The following SPATA13 variants were observed in gnomAD, a reference collection of about 807,000 sequenced individuals.
The protein encoded by SPATA13 is spermatogenesis-associated protein 13.
SPATA13 carries 50 observed loss-of-function variants against 104.0 expected under a neutral mutation model. The observed-to-expected ratio is 0.48, with a 90% confidence interval of 0.38 to 0.61. The LOEUF (loss-of-function observed/expected upper bound fraction) is 0.61, where lower values mean the gene tolerates loss of function less well. SPATA13 is among the 20% of genes least tolerant of loss of function. The pLI is 0.00. For synonymous variants in SPATA13, 606 were observed against 667.5 expected (o/e 0.91, Z 1.42); for missense variants, 1,524 against 1,690.6 (o/e 0.90, Z 1.73).
chr13:24,050,054 G>A (rs1037203960), intron 3 of SPATA13, among the ~76,000 whole-genome samples: 3 of 152,168 alleles, frequency 2.0e-5, no homozygotes, highest in South Asian at 4.2e-4. Context: ...TGTATTTTTA[G>A]TAGAGATAGG....
chr13:24,174,965 G>T (rs1883155953), intron 1 of SPATA13, among the ~76,000 whole-genome samples: 1 of 152,110 alleles, frequency 6.6e-6, no homozygotes, highest in African/African-American at 2.4e-5. Flanking sequence ...AGATTTTTTT[G>T]TTAACTTTCT....
intron 1 of SPATA13, 77 bp from the exon 2 acceptor site, chr13:24,222,742 G>T: frequency 1.6e-6 from 2 of 1,263,614 alleles, no homozygotes; most frequent in Non-Finnish European, 2.2e-6. Flanking sequence ...CTGTGCTGGA[G>T]CGTGCCTCTT....
chr13:23,987,889 T>A (rs1875229492), intron 2 of SPATA13, among the ~76,000 whole-genome samples: 1 of 152,140 alleles, frequency 6.6e-6, no homozygotes, highest in African/African-American at 2.4e-5. Flanking sequence ...TTATTTCACA[T>A]AACGCAACGT....
chr13:24,290,531 T>A, intron 8 of SPATA13, 121 bp from the exon 9 acceptor site: 1 of 756,654 alleles, frequency 1.3e-6, no homozygotes, highest in Non-Finnish European at 2.3e-6. Context: ...CTGTCCTTCT[T>A]GCAGTAGTCC....
At chr13:24,300,337 C>A (rs1284000053) in intron 11 of SPATA13, 64 bp from the exon 12 acceptor site, 1 of 1,337,716 alleles carries the variant, frequency 7.5e-7, no homozygotes, top group East Asian at 2.3e-5. Context: ...GGCTGTGATA[C>A]AAGTTTTGCT....
At chr13:24,018,946 A>T (rs1373361425) in intron 3 of SPATA13, among the ~76,000 whole-genome samples, 1 of 152,186 alleles carries the variant, frequency 6.6e-6, no homozygotes, top group Non-Finnish European at 1.5e-5. Context: ...AGGACATTTC[A>T]AATATTTAAG....
chr13:24,046,325 G>A (rs1298041424), intron 3 of SPATA13, among the ~76,000 whole-genome samples: 3 of 147,048 alleles, frequency 2.0e-5, no homozygotes, highest in Non-Finnish European at 3.0e-5. Flanking sequence ...TCAGAGTGTC[G>A]CTCTGTCACC....
intron 3 of SPATA13, among the ~76,000 whole-genome samples, chr13:24,104,653 C>G (rs1049268561): frequency 6.6e-6 from 1 of 152,152 alleles, no homozygotes; most frequent in Non-Finnish European, 1.5e-5. Flanking sequence ...AGGGGAAGTT[C>G]CCATCTTTGA....
chr13:24,046,558 T>TTTTTTTTTTTTTTTTTTTTTTA, intron 3 of SPATA13, among the ~76,000 whole-genome samples: 1 of 150,690 alleles, frequency 6.6e-6, no homozygotes, highest in Non-Finnish European at 1.5e-5. Flanking sequence ...TACTCTTTTG[T>TTTTTTTTTTTTTTTTTTTTTTA]GTCTGGCCTC....
rs912595372 is a variant in SPATA13, at chr13:24,223,609, C to T, written c.680C>T (p.Ala227Val). ...APQNHATPTI[A>V]TGQVPAVCEI... ...CAGAACCATGCGACACCCACGATAG[C>T]CACTGGCCAGGTGCCCGCCGTGTGT... The change falls in exon 2 of 13, where the codon GCC (alanine) becomes GTC (valine). Residue 227 changes from alanine to valine, a missense_variant. Physicochemically the swap from Ala to Val is moderately conservative, Grantham distance 64 (BLOSUM62 0). Around this residue, in one of 2 missense-constraint regions of SPATA13, gnomAD observed 1,089 missense variants for 1,135.9 expected, o/e 0.96. Transcript: ENST00000382108. 15 of 1,551,354 alleles carry T rather than the reference C, an allele frequency of 9.7e-6. No homozygotes were observed. Among genetic ancestry groups the T allele is most frequent in the Admixed American group, 2.0e-5 (1 of 50,992 alleles).
intron 3 of SPATA13, 98 bp from the exon 4 acceptor site, chr13:24,251,620 T>C: frequency 1.3e-6 from 2 of 1,535,738 alleles, no homozygotes; most frequent in Non-Finnish European, 8.8e-7. Context: ...ATTTCACGTC[T>C]GTGAGTGGCT....
chr13:24,122,382 G>A (rs1881060148), intron 3 of SPATA13: 3 of 1,572,720 alleles, frequency 1.9e-6, no homozygotes, highest in Non-Finnish European at 2.6e-6. Flanking sequence ...CATCATCAAT[G>A]ATTGTGGAAT....
At chr13:24,060,904 T>C (rs151180127) in intron 3 of SPATA13, among the ~76,000 whole-genome samples, 2 of 152,284 alleles carry the variant, frequency 1.3e-5, no homozygotes, top group Non-Finnish European at 2.9e-5. Flanking sequence ...CTGGGCATGC[T>C]AGTGCATGCC....
chr13:24,151,486 T>C (rs1187304539), intron 3 of SPATA13, among the ~76,000 whole-genome samples: 1 of 152,240 alleles, frequency 6.6e-6, no homozygotes. Context: ...TGTTTCATCA[T>C]TTACAACCAA....
chr13:24,157,456 G>T (rs1202774357), upstream of SPATA13, among the ~76,000 whole-genome samples: 3 of 152,046 alleles, frequency 2.0e-5, no homozygotes, highest in Non-Finnish European at 2.9e-5. Context: ...CCGCCACCAC[G>T]CCCGGCTAAT....
At chr13:24,058,913 G>C (rs777467778) in intron 3 of SPATA13, among the ~76,000 whole-genome samples, 8 of 151,668 alleles carry the variant, frequency 5.3e-5, no homozygotes, top group Non-Finnish European at 1.0e-4. Flanking sequence ...TGCCAACTCT[G>C]TCTCATGTAG....
At chr13:23,992,797 T>G (rs1390647874) in intron 2 of SPATA13, among the ~76,000 whole-genome samples, 2 of 152,198 alleles carry the variant, frequency 1.3e-5, no homozygotes, top group Non-Finnish European at 2.9e-5. Flanking sequence ...ATGGCCACGT[T>G]TGGCTCCACA....
At chr13:24,242,049 C>CAA (rs113767563) in intron 2 of SPATA13, among the ~76,000 whole-genome samples, 7 of 132,342 alleles carry the variant, frequency 5.3e-5, no homozygotes, top group African/African-American at 1.6e-4. Flanking sequence ...GAGACTGTCT[C>CAA]AAAAAAAAAA....
At chr13:24,291,749 T>TTTTTTTTTA (rs1555277158) in intron 9 of SPATA13, among the ~76,000 whole-genome samples, 8 of 79,770 alleles carry the variant, frequency 1.0e-4, no homozygotes, top group Admixed American at 1.4e-4. Context: ...TATTTTTTTA[T>TTTTTTTTTA]TTTTTTATTT....
Sources: allele counts gnomAD v4.1 joint callset (sites outside exome capture counted in the v4.1 genomes callset), GRCh38; gene constraint gnomAD v4.1.1; regional missense constraint gnomAD v4.1.1; transcripts MANE v1.5; gene names NCBI Gene and HGNC (gene_info 2026-07-23, HGNC 2026-07-21).